The following MTUS2 variants were observed in gnomAD, a reference collection of about 807,000 sequenced individuals.
MTUS2 encodes microtubule-associated tumor suppressor candidate 2.
MTUS2 carries 40 observed loss-of-function variants against 114.1 expected under a neutral mutation model. That is an observed-to-expected ratio of 0.35 (90% CI 0.27 to 0.46). The LOEUF (loss-of-function observed/expected upper bound fraction) is 0.46, where lower values mean the gene tolerates loss of function less well. Ranked by LOEUF, MTUS2 falls within the 20% of genes least tolerant of loss-of-function variation. The pLI, the probability that MTUS2 is intolerant of heterozygous loss-of-function variation, is 1.00. For missense variants in MTUS2, 1,679 were observed against 1,705.4 expected, an observed-to-expected ratio of 0.98 and a Z score of 0.27; for synonymous variants, 688 against 672.0, an observed-to-expected ratio of 1.02 and a Z score of -0.37.
chr13:29,093,151 C>CTATGGAG (rs1212533073), intron 4 of MTUS2, among the ~76,000 whole-genome samples: 1 of 152,144 alleles, frequency 6.6e-6, no homozygotes, highest in Non-Finnish European at 1.5e-5. Flanking sequence ...AAACAAAAAA[C>CTATGGAG]TATGGAGTAT....
chr13:29,029,920 C>T (rs1054065850), intron 3 of MTUS2, among the ~76,000 whole-genome samples: 1 of 152,210 alleles, frequency 6.6e-6, no homozygotes, highest in African/African-American at 2.4e-5. Flanking sequence ...TAGACCCCAC[C>T]TCCAACATTG....
intron 2 of MTUS2, among the ~76,000 whole-genome samples, chr13:28,860,820 A>G (rs1332406137): frequency 6.6e-6 from 1 of 152,216 alleles, no homozygotes; most frequent in Non-Finnish European, 1.5e-5. Context: ...TGTTTGGTAC[A>G]GTGTGACAGT....
chr13:28,966,865 A>C (rs1455525284), intron 2 of MTUS2, among the ~76,000 whole-genome samples: 2 of 152,222 alleles, frequency 1.3e-5, no homozygotes, highest in African/African-American at 4.8e-5. Flanking sequence ...GGAAGTTTAC[A>C]ATTGTACAGT....
At chr13:28,871,846 T>C (rs1475135309) in intron 2 of MTUS2, among the ~76,000 whole-genome samples, 4 of 152,240 alleles carry the variant, frequency 2.6e-5, no homozygotes, top group African/African-American at 7.2e-5. Context: ...ACCATTCCAA[T>C]ATCTCAGGGG....
chr13:29,152,701 C>T lies in MTUS2; in HGVS notation c.2644+51731C>T, dbSNP rs145899238. On this transcript the variant is annotated intron_variant, in intron 5 of 15. Coordinates refer to ENST00000612955, the MANE Select transcript of MTUS2 (RefSeq NM_001033602.4). ...GAGATGCCTCAAGATGTGGCTTCCCCGAGAGAGAGAAATCAGAGAGAGAGG... is the reference window on the plus strand; with the variant it reads ...GAGATGCCTCAAGATGTGGCTTCCCTGAGAGAGAGAAATCAGAGAGAGAGG... Among the ~76,000 whole-genome samples the T allele has an allele frequency of 9.5e-4, 144 of 152,102 alleles. 1 individual carries two copies. Among genetic ancestry groups the T allele is most frequent in the African/African-American group, 2.9e-3 (122 of 41,520 alleles).
intron 7 of MTUS2, among the ~76,000 whole-genome samples, chr13:29,345,782 C>G (rs1868615778): frequency 6.6e-6 from 1 of 152,046 alleles, no homozygotes; most frequent in South Asian, 2.1e-4. Flanking sequence ...TTTGGGTAGC[C>G]TATGTCAGAG....
At chr13:29,308,159 T>G (rs542957540) in intron 6 of MTUS2, among the ~76,000 whole-genome samples, 26 of 152,256 alleles carry the variant, frequency 1.7e-4, no homozygotes, top group African/African-American at 5.8e-4. Context: ...CAAACTATAC[T>G]ACAAGACTAC....
rs377245935 is a variant in MTUS2, at chr13:29,324,686, T to G, written c.2880T>G (p.Ala960=). 2.0e-5 allele frequency: 32 copies of G among 1,599,540 alleles called. No homozygotes were observed. The African/African-American group carries it at 4.1e-4, about 21-fold the overall frequency. The part of the protein sequence containing the change: ...PAVSSPKRVA[A]STTKLHSPGY... Reference sequence around the variant, plus strand: ...TTTCATCTCCTAAGAGAGTAGCAGCTTCAACCACCAAGCTTCATTCACCAG... The same window carrying G: ...TTTCATCTCCTAAGAGAGTAGCAGCGTCAACCACCAAGCTTCATTCACCAG... Residue 960 remains alanine (A), a synonymous_variant, in exon 7 of 16, where the codon GCT becomes GCG. Coordinates refer to ENST00000612955, the MANE Select transcript of MTUS2 (RefSeq NM_001033602.4).
intron 2 of MTUS2, among the ~76,000 whole-genome samples, chr13:29,009,503 T>A (rs893609562): frequency 6.6e-6 from 1 of 152,186 alleles, no homozygotes; most frequent in Non-Finnish European, 1.5e-5. Context: ...TATATTGATA[T>A]GACATTCTGG....
intron 6 of MTUS2, among the ~76,000 whole-genome samples, chr13:29,292,306 G>T (rs1247258319): frequency 6.6e-6 from 1 of 152,122 alleles, no homozygotes; most frequent in African/African-American, 2.4e-5. Flanking sequence ...TCCACTCAAC[G>T]TGTACCTACA....
chr13:29,158,358 C>CCCCCCCCCCCCTTTT, intron 5 of MTUS2, among the ~76,000 whole-genome samples: 5 of 32,046 alleles, frequency 1.6e-4, no homozygotes, highest in Non-Finnish European at 2.5e-4. Flanking sequence ...GTCCACCCCG[C>CCCCCCCCCCCCTTTT]TTTTTTTTTT....
chr13:29,058,843 G>A (rs141894246), intron 4 of MTUS2, among the ~76,000 whole-genome samples: 20 of 151,710 alleles, frequency 1.3e-4, no homozygotes, highest in African/African-American at 3.9e-4. Flanking sequence ...GATAGTTTGC[G>A]TTGATTCTGC....
intron 1 of MTUS2, among the ~76,000 whole-genome samples, chr13:28,823,149 G>T (rs182836569): frequency 9.8e-5 from 15 of 152,350 alleles, no homozygotes; most frequent in Admixed American, 7.2e-4. Context: ...TTAATAAAAT[G>T]TTAATAGGAA....
intron 4 of MTUS2, among the ~76,000 whole-genome samples, chr13:29,072,405 A>AAGAG (rs1888981686): frequency 6.6e-6 from 1 of 152,134 alleles, no homozygotes; most frequent in South Asian, 2.1e-4. Flanking sequence ...AGATTCTCTT[A>AAGAG]AATCCAGTCA....
chr13:29,290,858 C>T (rs76003732), intron 6 of MTUS2, among the ~76,000 whole-genome samples: 2,014 of 152,270 alleles, frequency 0.013, 34 homozygotes, highest in African/African-American at 0.046. Flanking sequence ...TCCCCAAATC[C>T]TTAGCACCAA....
intron 7 of MTUS2, among the ~76,000 whole-genome samples, chr13:29,331,154 C>T (rs1210613481): frequency 1.3e-5 from 2 of 152,154 alleles, no homozygotes; most frequent in African/African-American, 4.8e-5. Context: ...TCCTTCACAT[C>T]CCTTGTAAGT....
chr13:29,107,667 A>G (rs774909176), intron 5 of MTUS2, among the ~76,000 whole-genome samples: 5 of 152,220 alleles, frequency 3.3e-5, no homozygotes, highest in Non-Finnish European at 7.3e-5. Flanking sequence ...ACAAGTATCC[A>G]GTAACCTATA....
chr13:28,870,428 C>A (rs113473483), intron 2 of MTUS2, among the ~76,000 whole-genome samples: 1 of 152,050 alleles, frequency 6.6e-6, no homozygotes, highest in African/African-American at 2.4e-5. Flanking sequence ...GAAGGAGACC[C>A]ATTGGAGTGG....
rs10684198 is a variant in MTUS2 at position 28,846,055 on chromosome 13, A to AATATATAT, written c.-243+6218_-243+6225dup. 8.1e-4 allele frequency among the ~76,000 whole-genome samples: 116 copies of AATATATAT among 143,170 alleles called. 2 individuals are homozygous for AATATATAT. The South Asian group carries it at 0.021, about 26-fold the overall frequency. 93.9% of individuals were successfully genotyped at this position (143,170 alleles called of 152,430 possible). A position where few individuals can be genotyped will look rare whatever the true frequency, so the allele number is the denominator to read the frequency against. ...TATGCAGTCTTTTTCTTAAAAAAAA[A>AATATATAT]ATATATATATATATATATATTCCTC... On this transcript the variant is annotated intron_variant, in intron 2 of 15. Transcript: ENST00000612955.
Sources: gnomAD v4.1 joint callset for allele counts (sites outside exome capture counted in the v4.1 genomes callset) on GRCh38, gnomAD v4.1.1 for gene constraint, MANE v1.5 for transcripts, NCBI Gene and HGNC (gene_info 2026-07-23, HGNC 2026-07-21) for gene names.